PPP1R12A: variants seen among roughly 807,000 people sequenced by gnomAD.
PPP1R12A encodes myosin binding subunit.
Under a neutral mutation model 139.6 loss-of-function variants are expected in PPP1R12A, and 19 were observed. The observed-to-expected ratio is 0.14, with a 90% confidence interval of 0.09 to 0.20. The LOEUF is 0.20. Among genes scored for constraint, PPP1R12A ranks in the 10% least tolerant of loss-of-function variants. PPP1R12A has a pLI of 1.00. For missense variants in PPP1R12A, 925 were observed against 1,211.5 expected, an observed-to-expected ratio of 0.76 and a Z score of 3.51; for synonymous variants, 427 against 420.6, an observed-to-expected ratio of 1.02 and a Z score of -0.19.
At chr12:79,904,744 T>G (rs571670868) in intron 1 of PPP1R12A, among the ~76,000 whole-genome samples, 1 of 152,224 alleles carries the variant, frequency 6.6e-6, no homozygotes. Flanking sequence ...AGATTTCACT[T>G]GCTCCATATT....
chr12:79,834,213 A>G (rs1038142756), intron 3 of PPP1R12A, among the ~76,000 whole-genome samples: 6 of 152,196 alleles, frequency 3.9e-5, no homozygotes, highest in African/African-American at 1.4e-4. Flanking sequence ...AGCTTCTTTG[A>G]TGACATTACA....
intron 2 of PPP1R12A, among the ~76,000 whole-genome samples, chr12:79,869,703 G>T (rs928808661): frequency 6.6e-6 from 1 of 151,976 alleles, no homozygotes; most frequent in African/African-American, 2.4e-5. Flanking sequence ...TGCAATATGA[G>T]AAAAAAGACT....
At position 79,796,748 on chromosome 12, in the gene PPP1R12A, A is replaced by G. The variant is rs1872555597; in HGVS notation, c.2461+34T>C. The G allele has an allele frequency of 5.3e-6, 8 of 1,518,378 alleles. No individual in the cohort carries two copies. The East Asian group carries it at 1.8e-4, about 35-fold the overall frequency. The allele number at this position is 1,518,378 out of a possible 1,614,324, so 94.1% of individuals were successfully genotyped here. On this transcript the variant is annotated intron_variant, in intron 17 of 24. Coordinates refer to ENST00000450142, the MANE Select transcript of PPP1R12A (RefSeq NM_002480.3). ...CCCTAATCCAAAGGATTATATGAAG[A>G]AAGCAAAGTGTTTTCAAAATTTGGT...
chr12:79,898,126 C>T (rs1298478164), intron 1 of PPP1R12A, among the ~76,000 whole-genome samples: 1 of 152,102 alleles, frequency 6.6e-6, no homozygotes, highest in Non-Finnish European at 1.5e-5. Context: ...GTACCAAATC[C>T]CACTGATCCA....
At chr12:79,863,346 C>T (rs534954720) in intron 2 of PPP1R12A, among the ~76,000 whole-genome samples, 2 of 152,232 alleles carry the variant, frequency 1.3e-5, no homozygotes, top group East Asian at 3.9e-4. Context: ...ACAACTGGTA[C>T]CAGCCACTGC....
intron 24 of PPP1R12A, 81 bp downstream of exon 24, chr12:79,778,469 A>C: frequency 2.1e-6 from 2 of 973,602 alleles, no homozygotes; most frequent in Admixed American, 5.5e-5. Flanking sequence ...AGAACAATTA[A>C]TGTAAACCAT....
chr12:79,775,684 G>T lies in PPP1R12A; in HGVS notation c.*245C>A. The T allele has an allele frequency of 3.6e-6, 1 of 279,314 alleles. No individual in the cohort carries two copies. The highest frequency in any genetic ancestry group is 6.6e-6 in the Non-Finnish European group (1 of 151,384). 17.3% of individuals were successfully genotyped at this position (279,314 alleles called of 1,614,324 possible). On this transcript the variant is annotated 3_prime_UTR_variant, in exon 25 of 25. Transcript: ENST00000450142. ...CAGTCATTAAAAAAAAATCTTCTCA[G>T]CAGCTGCATTAACATGAAACAATGG...
Position 79,822,206 on chromosome 12 carries a change from G to A in PPP1R12A, c.793-16C>T, listed in dbSNP as rs761469279. Reference sequence around the variant, plus strand: ...CTGTTTGGCCCTACGTAGGAAACAAGGGGGGATGGTGATGGTCAAAAGTCA... The same window carrying A: ...CTGTTTGGCCCTACGTAGGAAACAAAGGGGGATGGTGATGGTCAAAAGTCA... On this transcript the variant is annotated splice_polypyrimidine_tract_variant and intron_variant, in intron 5 of 24. Coordinates refer to ENST00000450142, the MANE Select transcript of PPP1R12A (RefSeq NM_002480.3). The A allele has an allele frequency of 1.9e-6, 3 of 1,546,366 alleles. No individual in the cohort carries two copies. Among genetic ancestry groups the A allele is most frequent in the Admixed American group, 3.6e-5 (2 of 55,064 alleles).
chr12:79,891,796 T>C (rs1433082860), intron 1 of PPP1R12A, among the ~76,000 whole-genome samples: 4 of 152,192 alleles, frequency 2.6e-5, no homozygotes, highest in Non-Finnish European at 5.9e-5. Context: ...CCAAATGTCA[T>C]GCTGGAAGGC....
chr12:79,877,812 G>A (rs969730874), intron 1 of PPP1R12A, among the ~76,000 whole-genome samples: 6 of 152,090 alleles, frequency 3.9e-5, no homozygotes, highest in East Asian at 1.9e-4. Context: ...CACCACACCC[G>A]GCTGATACTC....
chr12:79,829,767 A>G (rs1363131788), intron 4 of PPP1R12A, among the ~76,000 whole-genome samples: 1 of 152,150 alleles, frequency 6.6e-6, no homozygotes, highest in East Asian at 1.9e-4. Context: ...AATATGAACA[A>G]TAATAATGTT....
At chr12:79,913,050 A>C (rs1164486213) in intron 1 of PPP1R12A, among the ~76,000 whole-genome samples, 2 of 152,218 alleles carry the variant, frequency 1.3e-5, no homozygotes, top group Non-Finnish European at 2.9e-5. Flanking sequence ...TAGCCATTCC[A>C]GTGGTATGTG....
intron 13 of PPP1R12A, 162 bp from the exon 14 acceptor site, chr12:79,805,930 G>A: frequency 1.1e-6 from 1 of 938,050 alleles, no homozygotes; most frequent in Non-Finnish European, 1.5e-6. Context: ...ACCCAGAGTT[G>A]TCAAAGAGAG....
chr12:79,905,193 G>A (rs1181949627), intron 1 of PPP1R12A, among the ~76,000 whole-genome samples: 1 of 151,924 alleles, frequency 6.6e-6, no homozygotes, highest in Non-Finnish European at 1.5e-5. Flanking sequence ...GCAAAATTCT[G>A]AGTAAACATT....
At chr12:79,814,891 T>C (rs1471133059) in intron 9 of PPP1R12A, among the ~76,000 whole-genome samples, 2 of 150,846 alleles carry the variant, frequency 1.3e-5, no homozygotes, top group Non-Finnish European at 3.0e-5. Flanking sequence ...GTTACAAAAC[T>C]TTAAGAACAA....
intron 21 of PPP1R12A, chr12:79,786,993 C>T (rs1041071357): frequency 6.6e-6 from 1 of 152,204 alleles, no homozygotes; most frequent in African/African-American, 2.4e-5. Flanking sequence ...CAAGACCTTC[C>T]CCTTTTCTAA....
At chr12:79,833,544 G>A (rs1456380238) in intron 3 of PPP1R12A, among the ~76,000 whole-genome samples, 18 of 151,936 alleles carry the variant, frequency 1.2e-4, no homozygotes, top group Admixed American at 1.2e-3. Flanking sequence ...GGAGATCAGA[G>A]CCAGGTGCGT....
chr12:79,894,858 C>T (rs892681302), intron 1 of PPP1R12A, among the ~76,000 whole-genome samples: 2 of 152,154 alleles, frequency 1.3e-5, no homozygotes, highest in African/African-American at 4.8e-5. Context: ...ATTATGTTTG[C>T]TTTTAGCAGG....
At chr12:79,870,505 T>C (rs1882462713) in intron 2 of PPP1R12A, among the ~76,000 whole-genome samples, 1 of 152,174 alleles carries the variant, frequency 6.6e-6, no homozygotes, top group East Asian at 1.9e-4. Context: ...AAACTGCCTT[T>C]TATAAAAACA....
Sources: gnomAD v4.1 joint callset for allele counts (sites outside exome capture counted in the v4.1 genomes callset) on GRCh38, gnomAD v4.1.1 for gene constraint, MANE v1.5 for transcripts, NCBI Gene and HGNC (gene_info 2026-07-23, HGNC 2026-07-21) for gene names.